The following AFMID variants were observed in gnomAD, a reference collection of about 807,000 sequenced individuals.
AFMID encodes the protein kynurenine formamidase.
Under a neutral mutation model 47.5 loss-of-function variants are expected in AFMID, and 39 were observed. The observed-to-expected ratio is 0.82, with a 90% CI of 0.64 to 1.07. AFMID has a LOEUF of 1.07. AFMID is among the 50% of genes least tolerant of loss of function. The probability of loss-of-function intolerance (pLI) is 0.00; values close to 1 mark genes in which losing one functional copy is unlikely to be tolerated. For missense variants in AFMID, 375 were observed against 387.5 expected, an observed-to-expected ratio of 0.97 and a Z score of 0.27; for synonymous variants, 130 against 153.2, an observed-to-expected ratio of 0.85 and a Z score of 1.12.
At chr17:78,191,619 G>A (rs550920112) in intron 2 of AFMID, among the ~76,000 whole-genome samples, 24 of 151,534 alleles carry the variant, frequency 1.6e-4, no homozygotes, top group Non-Finnish European at 1.0e-4. Flanking sequence ...GTTGCAGTGA[G>A]CTGAGATTAC....
intron 2 of AFMID, among the ~76,000 whole-genome samples, chr17:78,195,293 C>G (rs776928192): frequency 2.6e-5 from 4 of 151,774 alleles, no homozygotes; most frequent in Non-Finnish European, 5.9e-5. Context: ...CTCCTGGGTT[C>G]AAGCAGTTCT....
In AFMID at chr17:78,194,703, T is replaced by A. The variant is rs193219062; in HGVS notation, c.154+3643T>A. Among the ~76,000 whole-genome samples, 4 of 152,310 alleles carry A rather than the reference T, an allele frequency of 2.6e-5. No individual in the cohort carries two copies. In the East Asian group the frequency reaches 7.7e-4, roughly 29 times the overall value. On this transcript the variant is annotated intron_variant, in intron 2 of 10. Transcript: ENST00000409257. ...TGTGACCTTCAGTAAAAATACTTTTTTTTTTTTAAGACGGAGTTTTGCTCT... is the reference window on the plus strand; with the variant it reads ...TGTGACCTTCAGTAAAAATACTTTTATTTTTTTAAGACGGAGTTTTGCTCT...
chr17:78,193,990 A>T (rs1485326519), intron 2 of AFMID, among the ~76,000 whole-genome samples: 2 of 151,618 alleles, frequency 1.3e-5, no homozygotes, highest in Non-Finnish European at 2.9e-5. Context: ...AAAAAAAAAA[A>T]AATTTAAAAA....
chr17:78,191,135 G>C, intron 2 of AFMID, 75 bp downstream of exon 2: 1 of 1,346,962 alleles, frequency 7.4e-7, no homozygotes, highest in Non-Finnish European at 1.0e-6. Flanking sequence ...GCTGGGGGTT[G>C]GGGGGGCTGT....
intron 2 of AFMID, among the ~76,000 whole-genome samples, chr17:78,199,322 C>T (rs1238334053): frequency 1.3e-5 from 2 of 152,160 alleles, no homozygotes; most frequent in Admixed American, 6.5e-5. Context: ...CCGTGTTTAC[C>T]CTTCTGGAGT....
At chr17:78,191,975 C>T (rs1331551313) in intron 2 of AFMID, among the ~76,000 whole-genome samples, 1 of 151,372 alleles carries the variant, frequency 6.6e-6, no homozygotes, top group African/African-American at 2.4e-5. Context: ...CATGAGCCAT[C>T]GTGCCTGGCC....
intron 4 of AFMID, 66 bp from the exon 5 acceptor site, chr17:78,204,565 ACAGGACATCTGGCAAGTGGTGTGTC>A (rs1234652471): frequency 1.6e-5 from 20 of 1,258,808 alleles, no homozygotes; most frequent in Non-Finnish European, 2.2e-5. Context: ...CTGTGCGTGG[ACAGGACATCTGGCAAGTGGTGTGTC>A]CAGGACACAG....
chr17:78,191,134 T>TG (rs2075957234), intron 2 of AFMID, 74 bp downstream of exon 2: 34 of 1,359,172 alleles, frequency 2.5e-5, no homozygotes, highest in South Asian at 6.0e-5. Context: ...TGCTGGGGGT[T>TG]GGGGGGGCTG....
intron 4 of AFMID, chr17:78,203,252 G>C (rs928267275): frequency 1.9e-5 from 3 of 155,422 alleles, no homozygotes; most frequent in African/African-American, 7.2e-5. Context: ...GTAGAGACAG[G>C]GTTTTACCAT....
intron 1 of AFMID, among the ~76,000 whole-genome samples, chr17:78,189,532 T>G (rs552002453): frequency 2.2e-4 from 33 of 150,922 alleles, no homozygotes; most frequent in Middle Eastern, 3.4e-3. Context: ...GTTTTGTTTT[T>G]TTTTTTTTGA....
intron 2 of AFMID, among the ~76,000 whole-genome samples, chr17:78,195,718 T>C: frequency 6.6e-6 from 1 of 150,618 alleles, no homozygotes; most frequent in Non-Finnish European, 1.5e-5. Flanking sequence ...GTCAGGCTGG[T>C]CTGGAACTCC....
chr17:78,204,912 C>T lies in AFMID; in HGVS notation c.467+12C>T. On this transcript the variant is annotated intron_variant, in intron 6 of 10. Transcript: ENST00000409257. ...TATCCAAGCAACAAGTGGGTGTTGC[C>T]AGTAGATTTTCTTCCTGTTGGACCT... is the stretch of plus-strand genomic sequence containing the variant. The T allele has an allele frequency of 6.2e-7, 1 of 1,614,066 alleles. No individual in the cohort carries two copies. Among genetic ancestry groups the T allele is most frequent in the Non-Finnish European group, 8.5e-7 (1 of 1,179,960 alleles).
intron 2 of AFMID, among the ~76,000 whole-genome samples, chr17:78,193,188 G>T (rs1442225982): frequency 6.6e-6 from 1 of 151,704 alleles, no homozygotes; most frequent in Non-Finnish European, 1.5e-5. Context: ...TGGCTAACAC[G>T]GTGAAACCCC....
In AFMID at chr17:78,206,046, C is replaced by G. The variant is rs1438835019; in HGVS notation, c.881C>G (p.Thr294Ser). Reference sequence around the variant, plus strand: ...CTGACCCAGAAGGACAACGTGCTCACCCAGGTGGGGCCTCATCCCTGGCAG... The same window carrying G: ...CTGACCCAGAAGGACAACGTGCTCAGCCAGGTGGGGCCTCATCCCTGGCAG... Reference protein sequence around the residue: ...ENLTQKDNVLTQIILKTIFQ With the variant: ...ENLTQKDNVLSQIILKTIFQ The change falls in exon 10 of 11, where the codon ACC (threonine) becomes AGC (serine). Residue 294 changes from threonine to serine, a missense_variant. Physicochemically the swap from Thr to Ser is moderately conservative, Grantham distance 58. Transcript: ENST00000409257. The G allele has an allele frequency of 3.1e-6, 5 of 1,614,026 alleles. No homozygotes were observed. In the Admixed American group the frequency reaches 8.3e-5, roughly 27 times the overall value.
chr17:78,187,727 G>T (rs948931360), intron 1 of AFMID, among the ~76,000 whole-genome samples: 2 of 151,986 alleles, frequency 1.3e-5, no homozygotes, highest in Non-Finnish European at 2.9e-5. Flanking sequence ...AGCACTTTTG[G>T]CGGATCACGA....
At chr17:78,190,934 G>T (rs756424979) in intron 1 of AFMID, 36 bp from the exon 2 acceptor site, 20 of 1,598,780 alleles carry the variant, frequency 1.3e-5, no homozygotes, top group Non-Finnish European at 1.6e-5. Context: ...TGTTGAGAAG[G>T]AAAGTCTTAC....
Position 78,206,977 on chromosome 17 carries a change from C to T in AFMID, c.*40C>T, listed in dbSNP as rs746162313. On this transcript the variant is annotated 3_prime_UTR_variant, in exon 11 of 11. Coordinates refer to ENST00000409257, the MANE Select transcript of AFMID (RefSeq NM_001010982.5). ...GGAGCCTGGTCCACGTGCATCCCAC[C>T]TTGGGAAGCCTCTCCAAAGAGCTTT... 18 of 1,604,702 alleles carry T rather than the reference C, an allele frequency of 1.1e-5. No homozygotes were observed. The East Asian group carries it at 3.8e-4, about 34-fold the overall frequency.
chr17:78,206,189 A>C, intron 10 of AFMID, 139 bp downstream of exon 10: 2 of 682,850 alleles, frequency 2.9e-6, no homozygotes, highest in Non-Finnish European at 5.0e-6. Flanking sequence ...TACAAAACAA[A>C]TTAGCCAGAT....
At chr17:78,189,333 C>G (rs2075896816) in intron 1 of AFMID, among the ~76,000 whole-genome samples, 1 of 151,328 alleles carries the variant, frequency 6.6e-6, no homozygotes, top group Admixed American at 6.6e-5. Flanking sequence ...AGCGATTCTC[C>G]TGCCTCAGCC....
Sources: allele counts gnomAD v4.1 joint callset (sites outside exome capture counted in the v4.1 genomes callset), GRCh38; gene constraint gnomAD v4.1.1; transcripts MANE v1.5; gene names NCBI Gene and HGNC (gene_info 2026-07-23, HGNC 2026-07-21).